Variants in FREM3 observed in about 807,000 individuals in gnomAD.
FREM3 encodes the protein FRAS1-related extracellular matrix protein 3.
In FREM3, 105 loss-of-function variants were observed where a neutral mutation model predicts 129.1. The observed-to-expected ratio is 0.81, with a 90% CI of 0.69 to 0.96. The LOEUF is 0.96. Ranked by LOEUF, FREM3 falls within the 40% of genes least tolerant of loss-of-function variation. The probability of loss-of-function intolerance (pLI) is 0.00; values close to 1 mark genes in which losing one functional copy is unlikely to be tolerated. For synonymous variants in FREM3, 1,014 were observed against 1,044.9 expected (o/e 0.97, Z 0.57); for missense variants, 2,593 against 2,666.3 (o/e 0.97, Z 0.61).
chr4:143,591,481 C>G (rs951732696), intron 6 of FREM3, among the ~76,000 whole-genome samples: 1 of 152,148 alleles, frequency 6.6e-6, no homozygotes, highest in African/African-American at 2.4e-5. Context: ...TCATTTCTGC[C>G]TTCATTTCGT....
Position 143,696,431 on chromosome 4 carries a change from G to C in FREM3, c.4245C>G (p.Phe1415Leu), listed in dbSNP as rs1022750389. The stretch of plus-strand genomic sequence containing the variant: ...TGTCTAAGTTGCCAATGGTGACATA[G>C]AAGTAGTGGTCTGTCAAAGTGTTAA... ...DGVNTLTDHY[F>L]YVTIGNLDSV... The change falls in exon 1 of 8, where the codon TTC becomes TTG. Residue 1415 changes from phenylalanine (F) to leucine (L), a missense_variant. Phe to Leu is a conservative substitution (Grantham distance 22). This residue lies in a region of FREM3 where 2,276 missense variants were observed against 2,267.2 expected (regional missense o/e 1.00). Coordinates refer to ENST00000329798, the MANE Select transcript of FREM3 (RefSeq NM_001168235.2). The C allele has an allele frequency of 1.3e-6, 2 of 1,537,512 alleles. No homozygotes were observed. Among genetic ancestry groups the C allele is most frequent in the Admixed American group, 3.9e-5 (2 of 50,988 alleles).
intron 2 of FREM3, among the ~76,000 whole-genome samples, chr4:143,646,297 A>T (rs929426619): frequency 3.3e-5 from 5 of 152,226 alleles, no homozygotes; most frequent in African/African-American, 4.8e-5. Context: ...TGAGTTGCAA[A>T]ATTGATGCAT....
At chr4:143,650,265 C>T (rs1337196997) in intron 2 of FREM3, among the ~76,000 whole-genome samples, 1 of 152,132 alleles carries the variant, frequency 6.6e-6, no homozygotes, top group Non-Finnish European at 1.5e-5. Flanking sequence ...TAGATGAAAA[C>T]CAATAGAAGG....
intron 2 of FREM3, among the ~76,000 whole-genome samples, chr4:143,654,260 G>A (rs746029350): frequency 6.6e-6 from 1 of 152,030 alleles, no homozygotes; most frequent in African/African-American, 2.4e-5. Context: ...GTGCCACCAC[G>A]GCCCACTAAT....
At chr4:143,611,555 G>A (rs1164651575) in intron 5 of FREM3, 28 bp from the exon 6 acceptor site, 3 of 1,524,066 alleles carry the variant, frequency 2.0e-6, no homozygotes, top group African/African-American at 2.8e-5. Context: ...GGAACAGGGA[G>A]GTTAAGAAGA....
Position 143,696,185 on chromosome 4 carries a change from G to A in FREM3, c.4491C>T (p.Ser1497=). ...TCTCATCATTTGAAGTATGGACATA[G>A]GATATTTTGTTGCTAGCCAATTGAA... ...TQLQLASNKI[S]YVHTSNDEKK... is the part of the protein sequence containing the mutation. The change falls in exon 1 of 8, where the codon TCC becomes TCT. Residue 1497 remains serine (S), a synonymous_variant. Transcript: ENST00000329798. 1 of 1,537,814 alleles carries A rather than the reference G, an allele frequency of 6.5e-7. No individual in the cohort carries two copies.
intron 2 of FREM3, among the ~76,000 whole-genome samples, chr4:143,656,886 T>TA (rs888532439): frequency 1.3e-5 from 2 of 152,052 alleles, no homozygotes; most frequent in Admixed American, 1.3e-4. Flanking sequence ...GATTTTATTT[T>TA]AAAAAAACAA....
chr4:143,663,690 G>T (rs913988614), intron 2 of FREM3, among the ~76,000 whole-genome samples: 1 of 152,058 alleles, frequency 6.6e-6, no homozygotes, highest in East Asian at 1.9e-4. Flanking sequence ...TTTCCAACTT[G>T]GTTCCATTCT....
chr4:143,623,356 G>A (rs573155646), intron 4 of FREM3, among the ~76,000 whole-genome samples: 1 of 152,146 alleles, frequency 6.6e-6, no homozygotes, highest in East Asian at 1.9e-4. Flanking sequence ...ACTAATGCAG[G>A]GGATTCTTCA....
At chr4:143,675,040 C>T (rs944720883) in intron 2 of FREM3, among the ~76,000 whole-genome samples, 1 of 152,172 alleles carries the variant, frequency 6.6e-6, no homozygotes, top group Non-Finnish European at 1.5e-5. Context: ...CCAAGTGGAC[C>T]TAATAGACAT....
chr4:143,577,766 C>T lies in FREM3; in HGVS notation c.6265G>A (p.Asp2089Asn). 1 of 1,537,314 alleles carries T rather than the reference C, an allele frequency of 6.5e-7. No homozygotes were observed. The highest frequency in any genetic ancestry group is 8.7e-7 in the Non-Finnish European group (1 of 1,146,920). ...CCTTCCAAGGTAGGCTGTCCCAGGT[C>T]ATCAAGGATGGTCACTTGGAATGTC... ...MQTFQVTILDDLGQPTLEGPE... is the reference protein window; with the variant it reads ...MQTFQVTILDNLGQPTLEGPE... Residue 2089 changes from aspartate to asparagine, a missense_variant, in exon 8 of 8, where the codon GAC (aspartate) becomes AAC (asparagine). By Grantham distance (23) the Asp-to-Asn change is conservative. Transcript: ENST00000329798.
intron 2 of FREM3, among the ~76,000 whole-genome samples, chr4:143,633,641 A>C (rs1409883710): frequency 6.6e-6 from 1 of 152,218 alleles, no homozygotes; most frequent in East Asian, 1.9e-4. Flanking sequence ...CACTGGGTAC[A>C]TTAAAGCTAT....
intron 2 of FREM3, among the ~76,000 whole-genome samples, chr4:143,639,202 A>G (rs1739281037): frequency 6.6e-6 from 1 of 152,162 alleles, no homozygotes; most frequent in Admixed American, 6.6e-5. Context: ...TTTGGGAGGG[A>G]ATCAGCAGGG....
At chr4:143,616,958 C>T (rs1022201178) in intron 5 of FREM3, among the ~76,000 whole-genome samples, 5 of 152,086 alleles carry the variant, frequency 3.3e-5, no homozygotes, top group African/African-American at 1.2e-4. Flanking sequence ...AAAACCGCAA[C>T]GTATTTGACT....
At chr4:143,579,649 T>C (rs905560121) in intron 7 of FREM3, among the ~76,000 whole-genome samples, 1 of 152,218 alleles carries the variant, frequency 6.6e-6, no homozygotes, top group African/African-American at 2.4e-5. Context: ...ATAAGGTTTA[T>C]TGTGAAGATT....
At position 143,696,403 on chromosome 4, in the gene FREM3, C is replaced by T. The variant is rs1026255038; in HGVS notation, c.4273G>A (p.Val1425Ile). The change falls in exon 1 of 8, where the codon GTC becomes ATC. Residue 1425 changes from valine (V) to isoleucine (I), a missense_variant. Around this residue, in one of 2 missense-constraint regions of FREM3, gnomAD observed 2,276 missense variants for 2,267.2 expected, o/e 1.00. Transcript: ENST00000329798. ...FYVTIGNLDS[V>I]FPEVISKRIT... ...CTTTTGCTGATTACCTCAGGGAAGA[C>T]GCTGTCTAAGTTGCCAATGGTGACA... is the stretch of plus-strand genomic sequence containing the variant. 24 of 1,537,344 alleles carry T rather than the reference C, an allele frequency of 1.6e-5. 1 individual carries two copies. The highest frequency in any genetic ancestry group is 1.7e-4 in the Middle Eastern group (1 of 6,012).
intron 2 of FREM3, among the ~76,000 whole-genome samples, chr4:143,630,795 G>T (rs968683609): frequency 6.6e-6 from 1 of 152,128 alleles, no homozygotes; most frequent in Admixed American, 6.6e-5. Context: ...GGTAGGAATT[G>T]TTTCTAGTTC....
At chr4:143,621,197 T>G (rs1205064762) in intron 4 of FREM3, 35 bp from the exon 5 acceptor site, 9 of 1,533,852 alleles carry the variant, frequency 5.9e-6, no homozygotes, top group Non-Finnish European at 6.1e-6. Context: ...TCACCAAGAT[T>G]TAGATTTGAT....
rs146551051 is a variant in FREM3 at position 143,594,305 on chromosome 4, G to A, written c.6029-8312C>T. On this transcript the variant is annotated intron_variant, in intron 6 of 7. Coordinates refer to ENST00000329798, the MANE Select transcript of FREM3 (RefSeq NM_001168235.2). The stretch of plus-strand genomic sequence containing the variant: ...TCAGTTGGAAATGCAGAAATCACCC[G>A]TCTTCTGTGTCGCTCACGCTGGGAG... Among the ~76,000 whole-genome samples the A allele has an allele frequency of 9.5e-3, 1,444 of 152,236 alleles. 15 individuals are homozygous for A. Among genetic ancestry groups the A allele is most frequent in the Middle Eastern group, 0.034 (10 of 294 alleles).
Sources: allele counts gnomAD v4.1 joint callset (sites outside exome capture counted in the v4.1 genomes callset), GRCh38; gene constraint gnomAD v4.1.1; regional missense constraint gnomAD v4.1.1; transcripts MANE v1.5; gene names NCBI Gene and HGNC (gene_info 2026-07-23, HGNC 2026-07-21).